SLC9A9: variants seen among roughly 807,000 people sequenced by gnomAD.
The protein encoded by SLC9A9 is sodium/hydrogen exchanger 9.
In SLC9A9, 62 loss-of-function variants were observed where a neutral mutation model predicts 77.8. The ratio of observed to expected loss-of-function variants is 0.80; its 90% CI spans 0.65 to 0.98. SLC9A9 has a LOEUF of 0.98. Among genes scored for constraint, SLC9A9 ranks in the 50% least tolerant of loss-of-function variants. The probability of loss-of-function intolerance (pLI) is 0.00; values close to 1 mark genes in which losing one functional copy is unlikely to be tolerated. For synonymous variants in SLC9A9, 320 were observed against 283.5 expected, an observed-to-expected ratio of 1.13 and a Z score of -1.29; for missense variants, 775 against 774.9, an observed-to-expected ratio of 1.00 and a Z score of 0.00.
intron 14 of SLC9A9, among the ~76,000 whole-genome samples, chr3:143,315,271 T>G (rs1183077896): frequency 1.3e-5 from 2 of 152,250 alleles, no homozygotes; most frequent in East Asian, 1.9e-4. Flanking sequence ...CCCATTATAC[T>G]GGACACACAT....
At chr3:143,393,877 T>C (rs1184058004) in intron 12 of SLC9A9, among the ~76,000 whole-genome samples, 7 of 152,148 alleles carry the variant, frequency 4.6e-5, no homozygotes, top group South Asian at 4.2e-4. Context: ...CCTTGACACA[T>C]ACACCCTCCC....
At chr3:143,760,951 G>C (rs1406694745) in intron 4 of SLC9A9, among the ~76,000 whole-genome samples, 4 of 152,206 alleles carry the variant, frequency 2.6e-5, no homozygotes, top group South Asian at 2.1e-4. Context: ...ATACTACAAG[G>C]CTACAGTAAC....
intron 14 of SLC9A9, among the ~76,000 whole-genome samples, chr3:143,322,263 A>G (rs2031446190): frequency 6.6e-6 from 1 of 152,198 alleles, no homozygotes; most frequent in Non-Finnish European, 1.5e-5. Flanking sequence ...AAAGCAGATG[A>G]CCATTATAAT....
chr3:143,635,565 T>C (rs1043451229), intron 6 of SLC9A9, among the ~76,000 whole-genome samples: 16 of 152,348 alleles, frequency 1.1e-4, no homozygotes, highest in South Asian at 2.1e-4. Flanking sequence ...TGAATTATGT[T>C]TTAATTTGAA....
intron 15 of SLC9A9, 34 bp downstream of exon 15, chr3:143,268,841 A>G: frequency 6.5e-7 from 1 of 1,540,930 alleles, no homozygotes; most frequent in South Asian, 1.1e-5. Context: ...CACAAGGGAT[A>G]TTCCCTCACC....
At chr3:143,814,546 C>T (rs1451101910) in intron 2 of SLC9A9, among the ~76,000 whole-genome samples, 2 of 152,124 alleles carry the variant, frequency 1.3e-5, no homozygotes, top group African/African-American at 2.4e-5. Context: ...GCAGGGCTGC[C>T]AGGTTTAGCA....
At chr3:143,523,200 A>T (rs1020585460) in intron 9 of SLC9A9, among the ~76,000 whole-genome samples, 4 of 152,100 alleles carry the variant, frequency 2.6e-5, no homozygotes, top group African/African-American at 9.7e-5. Context: ...CCAGCATTGA[A>T]CTTTTTCGAA....
intron 4 of SLC9A9, among the ~76,000 whole-genome samples, chr3:143,755,936 C>T (rs1377363220): frequency 6.6e-6 from 1 of 152,100 alleles, no homozygotes; most frequent in Non-Finnish European, 1.5e-5. Flanking sequence ...CTCTAAATTT[C>T]TCCTTAAACT....
At chr3:143,586,746 C>A (rs1254268821) in intron 6 of SLC9A9, among the ~76,000 whole-genome samples, 1 of 152,164 alleles carries the variant, frequency 6.6e-6, no homozygotes, top group African/African-American at 2.4e-5. Context: ...TGCCAAAGGC[C>A]AATGAAGCTC....
intron 7 of SLC9A9, 51 bp from the exon 8 acceptor site, chr3:143,574,244 C>G: frequency 7.0e-7 from 1 of 1,428,528 alleles, no homozygotes; most frequent in South Asian, 1.2e-5. Flanking sequence ...AGCTACATCT[C>G]CTTCTTGGCT....
intron 12 of SLC9A9, among the ~76,000 whole-genome samples, chr3:143,403,444 C>A (rs375994818): frequency 6.7e-6 from 1 of 150,290 alleles, no homozygotes; most frequent in African/African-American, 2.4e-5. Flanking sequence ...TTACCTTTGC[C>A]GGCACTTTTT....
At chr3:143,838,396 G>T (rs2009626577) in intron 1 of SLC9A9, among the ~76,000 whole-genome samples, 1 of 152,180 alleles carries the variant, frequency 6.6e-6, no homozygotes, top group Non-Finnish European at 1.5e-5. Flanking sequence ...CAGAGGACTG[G>T]AGAGTGTTCA....
intron 14 of SLC9A9, among the ~76,000 whole-genome samples, chr3:143,276,291 C>T (rs1350165765): frequency 2.0e-5 from 3 of 152,156 alleles, no homozygotes; most frequent in Non-Finnish European, 2.9e-5. Context: ...CAGGGAATAC[C>T]GTTGACTAAT....
intron 12 of SLC9A9, among the ~76,000 whole-genome samples, chr3:143,441,758 C>G (rs2034739706): frequency 6.6e-6 from 1 of 152,112 alleles, no homozygotes; most frequent in Admixed American, 6.5e-5. Context: ...TTCCCCATCT[C>G]CGCCCTGTAC....
chr3:143,586,690 G>A (rs944297328), intron 6 of SLC9A9, among the ~76,000 whole-genome samples: 1 of 152,152 alleles, frequency 6.6e-6, no homozygotes, highest in East Asian at 1.9e-4. Flanking sequence ...TGTACACATC[G>A]GAATTCGTTC....
chr3:143,595,972 G>A (rs114795724), intron 6 of SLC9A9, among the ~76,000 whole-genome samples: 1 of 152,112 alleles, frequency 6.6e-6, no homozygotes, highest in Non-Finnish European at 1.5e-5. Flanking sequence ...GGGCTTTGAG[G>A]GGGGAATGTT....
At chr3:143,540,548 A>G (rs139741283) in intron 9 of SLC9A9, among the ~76,000 whole-genome samples, 1 of 152,204 alleles carries the variant, frequency 6.6e-6, no homozygotes, top group Non-Finnish European at 1.5e-5. Flanking sequence ...TGGATTAGTG[A>G]TAAAAGGATA....
At chr3:143,503,751 A>T (rs539652967) in intron 9 of SLC9A9, 1 of 352,916 alleles carries the variant, frequency 2.8e-6, no homozygotes, top group South Asian at 2.2e-5. Context: ...GGATGTGGCC[A>T]TGAGTCCTTC....
In SLC9A9 at chr3:143,268,950, A is replaced by G; in HGVS notation, c.1635T>C (p.Gly545=). ...KYLKPILTHS[G]PPLTTTLPEW... ...CAGGTAATGTTGTAGTCAGCGGAGG[A>G]CCAGAGTGGGTTAAAATTGGTTTCA... The change falls in exon 15 of 16, where the codon GGT becomes GGC. Residue 545 remains glycine (G), a synonymous_variant. Coordinates refer to ENST00000316549, the MANE Select transcript of SLC9A9 (RefSeq NM_173653.4). The G allele has an allele frequency of 6.2e-7, 1 of 1,613,610 alleles. No homozygotes were observed. Among genetic ancestry groups the G allele is most frequent in the Non-Finnish European group, 8.5e-7 (1 of 1,179,754 alleles).
Sources: allele counts gnomAD v4.1 joint callset (sites outside exome capture counted in the v4.1 genomes callset), GRCh38; gene constraint gnomAD v4.1.1; transcripts MANE v1.5; gene names NCBI Gene and HGNC (gene_info 2026-07-23, HGNC 2026-07-21).